The following PDZD2 variants were observed in gnomAD, a reference collection of about 807,000 sequenced individuals.
The protein encoded by PDZD2 is PDZ domain-containing protein 2.
In PDZD2, 90 loss-of-function variants were observed where a neutral mutation model predicts 220.7. That is an observed-to-expected ratio of 0.41 (90% CI 0.34 to 0.49). The LOEUF (loss-of-function observed/expected upper bound fraction) is 0.49. Ranked by LOEUF, PDZD2 falls within the 20% of genes least tolerant of loss-of-function variation. The pLI, the probability that PDZD2 is intolerant of heterozygous loss-of-function variation, is 0.28. For missense variants in PDZD2, 3,174 were observed against 3,608.5 expected, an observed-to-expected ratio of 0.88 and a Z score of 3.08; for synonymous variants, 1,375 against 1,450.5, an observed-to-expected ratio of 0.95 and a Z score of 1.18.
At chr5:32,003,159 C>CT in intron 5 of PDZD2, among the ~76,000 whole-genome samples, 1 of 77,560 alleles carries the variant, frequency 1.3e-5, no homozygotes, top group Non-Finnish European at 2.9e-5. Flanking sequence ...ACACCACCAA[C>CT]ACACACACCA....
intron 2 of PDZD2, chr5:31,822,675 A>T: frequency 2.3e-6 from 3 of 1,320,426 alleles, no homozygotes; most frequent in Non-Finnish European, 3.1e-6. Flanking sequence ...CTGAATTTGA[A>T]ACAAGCTCAA....
chr5:31,808,374 G>A (rs147056093), intron 2 of PDZD2, among the ~76,000 whole-genome samples: 3 of 152,282 alleles, frequency 2.0e-5, no homozygotes, highest in East Asian at 3.9e-4. Flanking sequence ...TCAATTATGT[G>A]GAAAACCTGC....
chr5:31,780,326 C>T (rs1161239425), intron 1 of PDZD2, among the ~76,000 whole-genome samples: 2 of 152,046 alleles, frequency 1.3e-5, no homozygotes, highest in Non-Finnish European at 2.9e-5. Flanking sequence ...GGGCTTCAGC[C>T]TCTGCCTTTG....
intron 2 of PDZD2, among the ~76,000 whole-genome samples, chr5:31,913,202 G>C (rs558085414): frequency 6.6e-6 from 1 of 152,148 alleles, no homozygotes; most frequent in Non-Finnish European, 1.5e-5. Context: ...AACCCTGGGC[G>C]TGGTGGCACA....
chr5:32,022,137 T>G (rs1241789190), intron 6 of PDZD2, among the ~76,000 whole-genome samples: 1 of 152,128 alleles, frequency 6.6e-6, no homozygotes, highest in Admixed American at 6.5e-5. Flanking sequence ...CATAATGAAT[T>G]ATGATTATTT....
chr5:32,065,750 C>T (rs1740151655), intron 14 of PDZD2, among the ~76,000 whole-genome samples: 1 of 152,180 alleles, frequency 6.6e-6, no homozygotes, highest in African/African-American at 2.4e-5. Flanking sequence ...CCAGGCCGGG[C>T]TCTGTGGCTC....
chr5:31,931,981 G>A (rs1201682207), intron 2 of PDZD2, among the ~76,000 whole-genome samples: 3 of 152,160 alleles, frequency 2.0e-5, no homozygotes, highest in Non-Finnish European at 4.4e-5. Flanking sequence ...CAAATTTGCA[G>A]GCCAAGGTCC....
At chr5:31,777,399 C>T (rs976741570) in intron 1 of PDZD2, among the ~76,000 whole-genome samples, 1 of 152,210 alleles carries the variant, frequency 6.6e-6, no homozygotes, top group African/African-American at 2.4e-5. Flanking sequence ...CTCGCCCCAC[C>T]CCACCCCGTG....
Position 31,672,897 on chromosome 5 carries a change from T to C in PDZD2, c.-361+33460T>C, listed in dbSNP as rs1277888025. ...ACATAACACTGAACCCCAGGAATTA[T>C]TCTGATAACGAAACACTTTGTAGAC... is the stretch of plus-strand genomic sequence containing the variant. On this transcript the variant is annotated intron_variant, in intron 1 of 24. Coordinates refer to ENST00000438447, the MANE Select transcript of PDZD2 (RefSeq NM_178140.4). Among the ~76,000 whole-genome samples, 5 of 152,244 alleles carry C rather than the reference T, an allele frequency of 3.3e-5. No homozygotes were observed. The East Asian group carries it at 9.6e-4, about 29-fold the overall frequency.
At position 32,098,333 on chromosome 5, in the gene PDZD2, T is replaced by G. The variant is rs1485793226; in HGVS notation, c.7948-31T>G. On this transcript the variant is annotated intron_variant, in intron 22 of 24. Transcript: ENST00000438447. The surrounding 1 kb of genome is among the most constrained non-coding windows in gnomAD (Gnocchi z 4.1). ...TACCGGAAATCGTAAGTGGATCTGGTTTTTGTTCCCTTTTCCTTTCCTCAT... is the reference window on the plus strand; with the variant it reads ...TACCGGAAATCGTAAGTGGATCTGGGTTTTGTTCCCTTTTCCTTTCCTCAT... The G allele has an allele frequency of 1.1e-5, 18 of 1,604,844 alleles. No individual in the cohort carries two copies. Among genetic ancestry groups the G allele is most frequent in the Non-Finnish European group, 1.4e-5 (17 of 1,174,770 alleles).
At chr5:32,026,548 T>C (rs1754679412) in intron 6 of PDZD2, among the ~76,000 whole-genome samples, 1 of 151,014 alleles carries the variant, frequency 6.6e-6, no homozygotes, top group South Asian at 2.1e-4. Flanking sequence ...TGCGTGCACG[T>C]GCACGCACGC....
chr5:31,755,105 C>T (rs376436956), intron 1 of PDZD2, among the ~76,000 whole-genome samples: 194 of 152,292 alleles, frequency 1.3e-3, no homozygotes, highest in South Asian at 8.5e-3. Flanking sequence ...CAACCCGTGG[C>T]CGACTGATGG....
At chr5:31,725,987 C>G (rs1749106399) in intron 1 of PDZD2, 2 of 508,014 alleles carry the variant, frequency 3.9e-6, no homozygotes, top group East Asian at 6.9e-5. Flanking sequence ...CTTGGATACT[C>G]CTGGGTCTTC....
chr5:31,651,994 A>ATTTT (rs10676854), intron 1 of PDZD2, among the ~76,000 whole-genome samples: 1,498 of 130,290 alleles, frequency 0.011, 41 homozygotes, highest in African/African-American at 0.02. Flanking sequence ...TAATTTTTGT[A>ATTTT]TTTTTTTTTT....
chr5:31,894,922 C>T (rs1329186319), intron 2 of PDZD2, among the ~76,000 whole-genome samples: 1 of 152,124 alleles, frequency 6.6e-6, no homozygotes, highest in Non-Finnish European at 1.5e-5. Context: ...GGAGTCTCAC[C>T]CCATGGCCCA....
chr5:32,089,872 A>G lies in PDZD2; in HGVS notation c.6424A>G (p.Ser2142Gly), dbSNP rs748543884. 6.2e-7 allele frequency: 1 copy of G among 1,613,230 alleles called. No individual in the cohort carries two copies. Among genetic ancestry groups the G allele is most frequent in the South Asian group, 1.1e-5 (1 of 91,022 alleles). Reference protein sequence around the residue: ...LYRQVAESSTSHPSSLPSHAS... With the variant: ...LYRQVAESSTGHPSSLPSHAS... Reference sequence around the variant, plus strand: ...TCGCCAGGTCGCAGAATCATCCACAAGTCATCCATCCTCACTCCCATCTCA... The same window carrying G: ...TCGCCAGGTCGCAGAATCATCCACAGGTCATCCATCCTCACTCCCATCTCA... The change falls in exon 20 of 25, where the codon AGT (serine) becomes GGT (glycine). Residue 2142 changes from serine to glycine, a missense_variant. Coordinates refer to ENST00000438447, the MANE Select transcript of PDZD2 (RefSeq NM_178140.4).
intron 1 of PDZD2, among the ~76,000 whole-genome samples, chr5:31,686,857 G>T (rs1219492430): frequency 6.6e-6 from 1 of 151,880 alleles, no homozygotes; most frequent in Non-Finnish European, 1.5e-5. Flanking sequence ...CTACCTTATT[G>T]AATTGTCTTT....
At chr5:32,025,625 CA>C (rs1754597102) in intron 6 of PDZD2, among the ~76,000 whole-genome samples, 1 of 65,898 alleles carries the variant, frequency 1.5e-5, no homozygotes, top group African/African-American at 8.2e-5. Flanking sequence ...TTTTTGGAAA[CA>C]GTCTCACTCT....
chr5:31,688,028 G>C (rs1413839790), intron 1 of PDZD2, among the ~76,000 whole-genome samples: 1 of 152,158 alleles, frequency 6.6e-6, no homozygotes, highest in Admixed American at 6.6e-5. Flanking sequence ...AGCTGTTTTA[G>C]AACTCAGCTT....
Sources: gnomAD v4.1 joint callset for allele counts (sites outside exome capture counted in the v4.1 genomes callset) on GRCh38, gnomAD v4.1.1 for gene constraint, Gnocchi (gnomAD v3.1) non-coding constraint, MANE v1.5 for transcripts, NCBI Gene and HGNC (gene_info 2026-07-23, HGNC 2026-07-21) for gene names.